Variants in ZNF585A observed in about 807,000 individuals in gnomAD.
ZNF585A encodes zinc finger protein 585A.
ZNF585A carries 9 observed loss-of-function variants against 14.9 expected under a neutral mutation model. The observed-to-expected ratio is 0.60, with a 90% CI of 0.36 to 1.05. ZNF585A has a LOEUF of 1.05. Among genes scored for constraint, ZNF585A ranks in the 50% least tolerant of loss-of-function variants. The pLI, the probability that ZNF585A is intolerant of heterozygous loss-of-function variation, is 0.01. For synonymous variants in ZNF585A, 276 were observed against 319.9 expected, an observed-to-expected ratio of 0.86 and a Z score of 1.46; for missense variants, 726 against 926.4, an observed-to-expected ratio of 0.78 and a Z score of 2.81.
Position 37,152,074 on chromosome 19 carries a change from T to C in ZNF585A, c.1825A>G (p.Ser609Gly), listed in dbSNP as rs1971840517. ...GAGGTAAAGGACTTCCCACAGTCAC[T>C]GCATTCATAAGGCTTCTCTCCAGTA... is the stretch of plus-strand genomic sequence containing the variant. ...IHTGEKPYEC[S>G]DCGKSFTSKS... The change falls in exon 5 of 5, where the codon AGT becomes GGT. Residue 609 changes from serine (S) to glycine (G), a missense_variant. By Grantham distance (56) the Ser-to-Gly change is moderately conservative (BLOSUM62 0). Transcript: ENST00000292841. 1.9e-6 allele frequency: 3 copies of C among 1,600,522 alleles called. No individual in the cohort carries two copies. In the East Asian group the frequency reaches 6.7e-5, roughly 36 times the overall value.
At position 37,146,269 on chromosome 19, in the gene ZNF585A, C is replaced by G. The variant is rs2145388909; in HGVS notation, c.*5320G>C. On this transcript the variant is annotated 3_prime_UTR_variant, in exon 5 of 5. Coordinates refer to ENST00000292841, the MANE Select transcript of ZNF585A (RefSeq NM_001288800.2). ...TGGTGGTGGGTGCCTGTAATCGCAG[C>G]TACTCGGAGGCTGAGGCAGGAGAAT... 6.6e-6 allele frequency: 1 copy of G among 152,432 alleles called. No individual in the cohort carries two copies. The highest frequency in any genetic ancestry group is 1.5e-5 in the Non-Finnish European group (1 of 68,214). The allele number at this position is 152,432 out of a possible 1,614,324, so 9.4% of individuals were successfully genotyped here. A position where few individuals can be genotyped will look rare whatever the true frequency, so the allele number is the denominator to read the frequency against.
Position 37,152,736 on chromosome 19 carries a change from C to T in ZNF585A, c.1163G>A (p.Gly388Glu). The stretch of plus-strand genomic sequence containing the variant: ...TGCTGACTTCTGAGTGAAGGCTTTC[C>T]CACAGTCACTGCATTCATAAGGTTT... ...GEKPYECSDC[G>E]KAFTQKSALT... The change falls in exon 5 of 5, where the codon GGG becomes GAG. Residue 388 changes from glycine (G) to glutamate (E), a missense_variant. Around this residue, in one of 2 missense-constraint regions of ZNF585A, gnomAD observed 483 missense variants for 542.8 expected, o/e 0.89. Transcript: ENST00000292841. 1.9e-6 allele frequency: 3 copies of T among 1,614,160 alleles called. No individual in the cohort carries two copies. The highest frequency in any genetic ancestry group is 2.5e-6 in the Non-Finnish European group (3 of 1,180,022).
At chr19:37,157,594 A>G (rs1396688486) in intron 2 of ZNF585A, among the ~76,000 whole-genome samples, 3 of 152,296 alleles carry the variant, frequency 2.0e-5, no homozygotes, top group Non-Finnish European at 4.4e-5. Context: ...TTAACTTGGA[A>G]GATACAAAGT....
intron 2 of ZNF585A, among the ~76,000 whole-genome samples, chr19:37,161,950 G>A (rs1025355812): frequency 2.0e-5 from 3 of 152,116 alleles, no homozygotes; most frequent in Non-Finnish European, 4.4e-5. Context: ...TTGAGATGGA[G>A]TTTCACTCTG....
At chr19:37,171,902 CA>C (rs35616540) in intron 1 of ZNF585A, among the ~76,000 whole-genome samples, 695 of 132,632 alleles carry the variant, frequency 5.2e-3, no homozygotes, top group Admixed American at 7.8e-3. Flanking sequence ...GACTCCATCT[CA>C]AAAAAAAAAA....
chr19:37,151,093 G>C lies in ZNF585A; in HGVS notation c.*496C>G. ...ATGAGGGTTGGATATGACCAACTGTGGTAGATTCGAATGAGAAAGAAAAAC... is the reference window on the plus strand; with the variant it reads ...ATGAGGGTTGGATATGACCAACTGTCGTAGATTCGAATGAGAAAGAAAAAC... On this transcript the variant is annotated 3_prime_UTR_variant, in exon 5 of 5. Transcript: ENST00000292841. 2.9e-6 allele frequency: 1 copy of C among 347,190 alleles called. No homozygotes were observed. The highest frequency in any genetic ancestry group is 5.2e-6 in the Non-Finnish European group (1 of 194,156). 21.5% of individuals were successfully genotyped at this position (347,190 alleles called of 1,614,324 possible).
chr19:37,156,008 G>T (rs1166810778), intron 3 of ZNF585A, 51 bp from the exon 4 acceptor site: 3 of 1,608,676 alleles, frequency 1.9e-6, no homozygotes, highest in Non-Finnish European at 2.6e-6. Context: ...GTGTTTCAGG[G>T]CCCAACCAAT....
intron 2 of ZNF585A, among the ~76,000 whole-genome samples, chr19:37,161,083 A>G (rs1249547218): frequency 6.6e-6 from 1 of 152,150 alleles, no homozygotes; most frequent in African/African-American, 2.4e-5. Context: ...TCATTTTTAC[A>G]TAATCTCTTC....
chr19:37,153,782 T>C (rs781202311), intron 4 of ZNF585A, among the ~76,000 whole-genome samples, 176 bp from the exon 5 acceptor site: 7 of 152,220 alleles, frequency 4.6e-5, no homozygotes, highest in Non-Finnish European at 1.0e-4. Context: ...ATGTTTGGGT[T>C]CACATGAATT....
At chr19:37,168,765 G>T (rs577687920) in intron 2 of ZNF585A, among the ~76,000 whole-genome samples, 2 of 152,248 alleles carry the variant, frequency 1.3e-5, no homozygotes, top group Non-Finnish European at 2.9e-5. Context: ...TGAGAAGAAT[G>T]CCTACTGCTA....
intron 2 of ZNF585A, among the ~76,000 whole-genome samples, chr19:37,157,568 C>T (rs1971950507): frequency 2.0e-5 from 3 of 152,186 alleles, no homozygotes; most frequent in South Asian, 4.2e-4. Flanking sequence ...GTTGACATTC[C>T]GTAGAGTTGA....
intron 2 of ZNF585A, among the ~76,000 whole-genome samples, chr19:37,158,337 A>G (rs1197962470): frequency 6.6e-6 from 1 of 152,240 alleles, no homozygotes; most frequent in Non-Finnish European, 1.5e-5. Context: ...GCTGAAGGGA[A>G]GCGTACAATG....
intron 2 of ZNF585A, among the ~76,000 whole-genome samples, chr19:37,162,417 G>A (rs867947003): frequency 6.6e-6 from 1 of 152,076 alleles, no homozygotes; most frequent in African/African-American, 2.4e-5. Flanking sequence ...ACAGTGTGGC[G>A]ATTCCTCAAA....
In ZNF585A at chr19:37,151,571, T is replaced by A; in HGVS notation, c.*18A>T. 1 of 1,595,728 alleles carries A rather than the reference T, an allele frequency of 6.3e-7. No homozygotes were observed. The highest frequency in any genetic ancestry group is 8.5e-7 in the Non-Finnish European group (1 of 1,170,086). On this transcript the variant is annotated 3_prime_UTR_variant, in exon 5 of 5. Transcript: ENST00000292841. The stretch of plus-strand genomic sequence containing the variant: ...AATCAGACCCAACCCTCAGGGGGGT[T>A]TTCTCACACTGTTTCTCTCAAGCGT...
intron 2 of ZNF585A, among the ~76,000 whole-genome samples, chr19:37,166,316 C>T (rs1011632101): frequency 7.9e-6 from 1 of 127,238 alleles, no homozygotes; most frequent in African/African-American, 2.8e-5. Flanking sequence ...GCTGCCCAGT[C>T]TTTTTTTTTT....
In ZNF585A at chr19:37,153,484, A is replaced by T; in HGVS notation, c.415T>A (p.Phe139Ile). 6.2e-7 allele frequency: 1 copy of T among 1,614,160 alleles called. No individual in the cohort carries two copies. The highest frequency in any genetic ancestry group is 8.5e-7 in the Non-Finnish European group (1 of 1,180,032). ...ACTTTGAGCTGTGACTTCTGGGTGA[A>T]TATCTTTTCAAATTTGGCGCATTCA... is the stretch of plus-strand genomic sequence containing the variant. Reference protein sequence around the residue: ...AYECAKFEKIFTQKSQLKVHL... With the variant: ...AYECAKFEKIITQKSQLKVHL... Residue 139 changes from phenylalanine to isoleucine, a missense_variant, in exon 5 of 5, where the codon TTC becomes ATC. Coordinates refer to ENST00000292841, the MANE Select transcript of ZNF585A (RefSeq NM_001288800.2).
chr19:37,161,803 G>GA (rs951537431), intron 2 of ZNF585A, among the ~76,000 whole-genome samples: 1 of 150,812 alleles, frequency 6.6e-6, no homozygotes, highest in Non-Finnish European at 1.5e-5. Flanking sequence ...TTTATTCTAA[G>GA]AAAAAAAAAG....
chr19:37,156,094 C>G (rs1971925003), intron 3 of ZNF585A, 135 bp downstream of exon 3: 2 of 1,549,714 alleles, frequency 1.3e-6, no homozygotes, highest in African/African-American at 2.8e-5. Context: ...TCTGAGTGCC[C>G]TAAACAAATA....
In ZNF585A at chr19:37,153,405, T is replaced by G. The variant is rs200310362; in HGVS notation, c.494A>C (p.Lys165Thr). ...EKLYVCIECG[K>T]AFVQKPEFII... is the part of the protein sequence containing the mutation. ...AAATTCTGGCTTCTGTACAAAAGCC[T>G]TCCCACATTCAATGCATACATAGAG... The change falls in exon 5 of 5, where the codon AAG becomes ACG. Residue 165 changes from lysine (K) to threonine (T), a missense_variant. Lys to Thr is a moderately conservative substitution (Grantham distance 78). Around this residue, in one of 2 missense-constraint regions of ZNF585A, gnomAD observed 483 missense variants for 542.8 expected, o/e 0.89. Transcript: ENST00000292841. 5.5e-5 allele frequency: 88 copies of G among 1,613,990 alleles called. No homozygotes were observed. The highest frequency in any genetic ancestry group is 7.2e-5 in the Non-Finnish European group (85 of 1,180,020).
Sources: gnomAD v4.1 joint callset for allele counts (sites outside exome capture counted in the v4.1 genomes callset) on GRCh38, gnomAD v4.1.1 for gene constraint, gnomAD v4.1.1 regional missense constraint, MANE v1.5 for transcripts, NCBI Gene and HGNC (gene_info 2026-07-23, HGNC 2026-07-21) for gene names.